Variants in IFT43 observed in about 807,000 individuals in gnomAD.
IFT43 encodes intraflagellar transport protein 43 homolog.
A neutral mutation model predicts 32.3 loss-of-function variants in IFT43; 33 were observed. The observed-to-expected ratio is 1.02, with a 90% CI of 0.77 to 1.37. The LOEUF is 1.37. IFT43 is among the 40% of genes most tolerant of loss of function. The pLI, the probability that IFT43 is intolerant of heterozygous loss-of-function variation, is 0.00. For missense variants in IFT43, 274 were observed against 265.9 expected (o/e 1.03, Z -0.21); for synonymous variants, 93 against 98.2 (o/e 0.95, Z 0.31).
chr14:76,015,522 A>G (rs2036172451), intron 2 of IFT43, among the ~76,000 whole-genome samples: 1 of 152,228 alleles, frequency 6.6e-6, no homozygotes, highest in South Asian at 2.1e-4. Context: ...CAGTTTTTAT[A>G]ATACTATATC....
chr14:76,035,979 T>A (rs2036590881), intron 3 of IFT43, among the ~76,000 whole-genome samples: 2 of 152,230 alleles, frequency 1.3e-5, no homozygotes, highest in South Asian at 4.1e-4. Flanking sequence ...AGTTATTTAG[T>A]CTCAAGAAGA....
chr14:76,010,254 T>G (rs932203642), intron 2 of IFT43, among the ~76,000 whole-genome samples: 3 of 152,236 alleles, frequency 2.0e-5, no homozygotes, highest in Non-Finnish European at 4.4e-5. Context: ...CCCCGTGTTT[T>G]GGGTGTAGAG....
At chr14:76,079,361 A>G (rs572725184) in intron 5 of IFT43, among the ~76,000 whole-genome samples, 14 of 152,350 alleles carry the variant, frequency 9.2e-5, no homozygotes, top group Non-Finnish European at 2.1e-4. Flanking sequence ...TGGTTATTGA[A>G]TATTATATAC....
rs1452682466 is a variant in IFT43 at position 76,032,071 on chromosome 14, CT to C, written c.215+9678del. Among the ~76,000 whole-genome samples, 5 of 152,292 alleles carry C rather than the reference CT, an allele frequency of 3.3e-5. No homozygotes were observed. In the East Asian group the frequency reaches 9.6e-4, roughly 29 times the overall value. ...ATTTCAACCCCTTCTACCCCCTCCC[CT>C]AATCGTGCCTCCAAAGTCATCCCTA... On this transcript the variant is annotated intron_variant, in intron 3 of 8. Transcript: ENST00000314067.
chr14:76,026,828 A>G (rs1280431806), intron 3 of IFT43, among the ~76,000 whole-genome samples: 1 of 152,236 alleles, frequency 6.6e-6, no homozygotes, highest in Non-Finnish European at 1.5e-5. Context: ...CATGGAATCA[A>G]CCTTAATGTT....
chr14:76,009,118 A>G (rs531129834), intron 2 of IFT43, among the ~76,000 whole-genome samples: 1 of 152,260 alleles, frequency 6.6e-6, no homozygotes, highest in South Asian at 2.1e-4. Flanking sequence ...GTTGTTTTCT[A>G]TGGCAGTTCT....
intron 2 of IFT43, among the ~76,000 whole-genome samples, chr14:76,001,760 C>T (rs2035889979): frequency 6.6e-6 from 1 of 152,138 alleles, no homozygotes; most frequent in South Asian, 2.1e-4. Context: ...AGTCCAAGAT[C>T]AATGTGCTGG....
chr14:76,059,799 C>T (rs1016410972), intron 5 of IFT43, among the ~76,000 whole-genome samples: 3 of 152,188 alleles, frequency 2.0e-5, no homozygotes, highest in African/African-American at 7.2e-5. Flanking sequence ...CACCACAACC[C>T]CGTAGTACTA....
At chr14:76,013,792 T>G in intron 2 of IFT43, 1 of 298,914 alleles carries the variant, frequency 3.3e-6, no homozygotes. Flanking sequence ...AAGGGCTAAT[T>G]GTTCCTGACA....
intron 3 of IFT43, among the ~76,000 whole-genome samples, chr14:76,039,255 C>A (rs190241668): frequency 6.6e-6 from 1 of 152,238 alleles, no homozygotes; most frequent in Non-Finnish European, 1.5e-5. Flanking sequence ...GCCTCAGCCT[C>A]CTCAGTAGCT....
chr14:75,994,489 A>C (rs1405824960), intron 2 of IFT43, among the ~76,000 whole-genome samples: 3 of 152,200 alleles, frequency 2.0e-5, no homozygotes, highest in Non-Finnish European at 4.4e-5. Flanking sequence ...AGTTGTGTCT[A>C]CTTTTTTAGG....
intron 3 of IFT43, among the ~76,000 whole-genome samples, chr14:76,040,910 A>G (rs2036694188): frequency 6.6e-6 from 1 of 152,226 alleles, no homozygotes; most frequent in Non-Finnish European, 1.5e-5. Flanking sequence ...GTGCCAGGGA[A>G]AGGACAGCTG....
At chr14:76,057,476 C>G (rs933693176) in intron 3 of IFT43, among the ~76,000 whole-genome samples, 1 of 152,058 alleles carries the variant, frequency 6.6e-6, no homozygotes, top group Admixed American at 6.6e-5. Flanking sequence ...AATGATCCAC[C>G]TGCCTTGGCC....
At chr14:76,046,713 A>T (rs1399489481) in intron 3 of IFT43, among the ~76,000 whole-genome samples, 1 of 152,214 alleles carries the variant, frequency 6.6e-6, no homozygotes, top group African/African-American at 2.4e-5. Context: ...GAACAACTTT[A>T]TGAAGTAGAA....
At chr14:75,986,655 G>A (rs2035535891) in intron 1 of IFT43, among the ~76,000 whole-genome samples, 1 of 152,156 alleles carries the variant, frequency 6.6e-6, no homozygotes, top group African/African-American at 2.4e-5. Flanking sequence ...GTTATAGTTA[G>A]TAAATAATGG....
intron 5 of IFT43, among the ~76,000 whole-genome samples, chr14:76,080,927 TG>T (rs2037499463): frequency 6.6e-6 from 1 of 152,218 alleles, no homozygotes; most frequent in Admixed American, 6.5e-5. Flanking sequence ...GTGGTGGATG[TG>T]TCTCTGCTTT....
chr14:75,991,228 G>A (rs940377323), intron 2 of IFT43, among the ~76,000 whole-genome samples: 1 of 152,022 alleles, frequency 6.6e-6, no homozygotes, highest in Admixed American at 6.6e-5. Flanking sequence ...CTACTTGGGA[G>A]GCTGAGGCAG....
chr14:75,999,269 ATATGTATATATATTTTTTTTTT>A (rs2035831822), intron 2 of IFT43, among the ~76,000 whole-genome samples: 2 of 24,246 alleles, frequency 8.2e-5, no homozygotes, highest in African/African-American at 4.8e-4. Context: ...ATATATATAT[ATATGTATATATATTTTTTTTTT>A]TTTTTTTTTA....
chr14:76,009,403 A>G (rs939920126), intron 2 of IFT43, among the ~76,000 whole-genome samples: 1 of 152,216 alleles, frequency 6.6e-6, no homozygotes, highest in Non-Finnish European at 1.5e-5. Context: ...ATTGGATATT[A>G]TTTTATCATT....
Sources: gnomAD v4.1 joint callset for allele counts (sites outside exome capture counted in the v4.1 genomes callset) on GRCh38, gnomAD v4.1.1 for gene constraint, MANE v1.5 for transcripts, NCBI Gene and HGNC (gene_info 2026-07-23, HGNC 2026-07-21) for gene names.